The following LIPF variants were observed in gnomAD, a reference collection of about 807,000 sequenced individuals.
The protein encoded by LIPF is gastric triacylglycerol lipase.
LIPF carries 25 observed loss-of-function variants against 38.0 expected under a neutral mutation model. The ratio of observed to expected loss-of-function variants is 0.66; its 90% CI spans 0.48 to 0.92. LIPF has a LOEUF of 0.92. Among genes scored for constraint, LIPF ranks in the 40% least tolerant of loss-of-function variants. The pLI, the probability that LIPF is intolerant of heterozygous loss-of-function variation, is 0.00. For missense variants in LIPF, 410 were observed against 469.9 expected (o/e 0.87, Z 1.18); for synonymous variants, 161 against 156.2 (o/e 1.03, Z -0.23).
chr10:88,667,774 A>T, intron 3 of LIPF, 88 bp downstream of exon 3: 2 of 613,918 alleles, frequency 3.3e-6, no homozygotes, highest in Non-Finnish European at 2.9e-6. Context: ...TCTTCCTCCA[A>T]CTTTTCCTTC....
chr10:88,665,897 C>T (rs1324795814), intron 1 of LIPF, among the ~76,000 whole-genome samples: 8 of 151,950 alleles, frequency 5.3e-5, no homozygotes, highest in Admixed American at 2.0e-4. Flanking sequence ...CGCGCACACC[C>T]GGCTAATTTT....
rs1841603366 is a variant in LIPF at position 88,671,913 on chromosome 10, A to G, written c.617A>G (p.Tyr206Cys). The G allele has an allele frequency of 1.2e-6, 2 of 1,613,570 alleles. No individual in the cohort carries two copies. The highest frequency in any genetic ancestry group is 8.5e-7 in the Non-Finnish European group (1 of 1,179,652). ...CTAGCTCCTGTTGCCACTGTGAAGT[A>G]TACAAAAAGCCTTATAAACAAACTT... ...YALAPVATVK[Y>C]TKSLINKLRF... The change falls in exon 6 of 10, where the codon TAT becomes TGT. Residue 206 changes from tyrosine to cysteine, a missense_variant. Coordinates refer to ENST00000238983, the MANE Select transcript of LIPF (RefSeq NM_004190.4).
chr10:88,669,629 G>T (rs1243296402), intron 4 of LIPF: 3 of 422,802 alleles, frequency 7.1e-6, no homozygotes, highest in Non-Finnish European at 1.3e-5. Flanking sequence ...TTCAATTGTG[G>T]CTGCAATGCT....
chr10:88,674,984 GACAAAGGAA>G (rs1249795876), intron 7 of LIPF, among the ~76,000 whole-genome samples: 4 of 151,844 alleles, frequency 2.6e-5, no homozygotes, highest in East Asian at 1.9e-4. Flanking sequence ...AGTAAAATAA[GACAAAGGAA>G]ACAAAGGAAA....
Position 88,671,953 on chromosome 10 carries a change from A to G in LIPF, c.657A>G (p.Gln219=), listed in dbSNP as rs575886213. 1 of 1,610,862 alleles carries G rather than the reference A, an allele frequency of 6.2e-7. No individual in the cohort carries two copies. The highest frequency in any genetic ancestry group is 1.3e-5 in the African/African-American group (1 of 74,948). The change falls in exon 6 of 10, where the codon CAA becomes CAG. Residue 219 remains glutamine (Q), a synonymous_variant. Transcript: ENST00000238983. ...SLINKLRFVP[Q]SLFKFIFGDK... ...TAAACAAACTTAGATTTGTTCCTCA[A>G]TCCCTCTTCAAGGTATGCAATTCTC... is the stretch of plus-strand genomic sequence containing the variant.
rs1279663957 is a variant in LIPF at position 88,671,771 on chromosome 10, A to AAAC, written c.533-44_533-42dup. The AAAC allele has an allele frequency of 9.1e-5, 141 of 1,552,802 alleles. No individual in the cohort carries two copies. In the South Asian group the frequency reaches 1.0e-3, roughly 11 times the overall value. ...AATGTCACACTTATAAAAACAAACAAAACAACAACAACAACACACACACAC... is the reference window on the plus strand; with the variant it reads ...AATGTCACACTTATAAAAACAAACAAAACAACAACAACAACAACACACACACAC... On this transcript the variant is annotated intron_variant, in intron 5 of 9. Transcript: ENST00000238983.
intron 4 of LIPF, chr10:88,668,993 A>G (rs1841555609): frequency 2.2e-6 from 1 of 453,826 alleles, no homozygotes; most frequent in Non-Finnish European, 4.0e-6. Context: ...GATTTTCCAA[A>G]TGGAATGAAC....
At chr10:88,671,078 C>T (rs1348508385) in intron 5 of LIPF, among the ~76,000 whole-genome samples, 1 of 152,086 alleles carries the variant, frequency 6.6e-6, no homozygotes, top group East Asian at 1.9e-4. Context: ...TATACTGCAG[C>T]GTTAAACTTG....
At chr10:88,668,997 A>G (rs1841555688) in intron 4 of LIPF, 1 of 443,692 alleles carries the variant, frequency 2.3e-6, no homozygotes. Context: ...TTCCAAATGG[A>G]ATGAACAATA....
chr10:88,672,670 A>ACACACACTCTCTCT (rs869259093), intron 6 of LIPF, among the ~76,000 whole-genome samples: 8 of 110,560 alleles, frequency 7.2e-5, no homozygotes, highest in African/African-American at 2.7e-4. Context: ...ACACACACAC[A>ACACACACTCTCTCT]CTCTCTCTCT....
chr10:88,674,434 C>T (rs1191803631), intron 7 of LIPF, among the ~76,000 whole-genome samples: 3 of 152,158 alleles, frequency 2.0e-5, no homozygotes, highest in African/African-American at 7.2e-5. Context: ...TCCCAAAGTG[C>T]TGGGATTACA....
intron 6 of LIPF, among the ~76,000 whole-genome samples, 161 bp downstream of exon 6, chr10:88,672,126 G>C (rs937808549): frequency 6.6e-6 from 1 of 152,132 alleles, no homozygotes; most frequent in African/African-American, 2.4e-5. Flanking sequence ...CACTGACCAT[G>C]TTTGAATCTC....
At position 88,675,643 on chromosome 10, in the gene LIPF, T is replaced by C. The variant is rs934360777; in HGVS notation, c.874T>C (p.Phe292Leu). The change falls in exon 8 of 10, where the codon TTC becomes CTC. Residue 292 changes from phenylalanine to leucine, a missense_variant. Transcript: ENST00000238983. Reference protein sequence around the residue: ...NPAGTSVQNMFHWTQAVKSGK... With the variant: ...NPAGTSVQNMLHWTQAVKSGK... ...AGCAGGAACTTCTGTTCAAAACATG[T>C]TCCATTGGACCCAGGTATTCTTTTC... The C allele has an allele frequency of 6.2e-7, 1 of 1,610,720 alleles. No homozygotes were observed. The highest frequency in any genetic ancestry group is 8.5e-7 in the Non-Finnish European group (1 of 1,176,996).
At position 88,668,733 on chromosome 10, in the gene LIPF, T is replaced by A. The variant is rs919396720; in HGVS notation, c.399T>A (p.Asp133Glu). ...GAAGAAACTTGTACTATTCACCAGA[T>A]TCAGTTGAATTCTGGGCTTTCAGGT... ...WARRNLYYSP[D>E]SVEFWAFSFD... Residue 133 changes from aspartate to glutamate, a missense_variant, in exon 4 of 10, where the codon GAT becomes GAA. Physicochemically the swap from Asp to Glu is conservative, Grantham distance 45. Coordinates refer to ENST00000238983, the MANE Select transcript of LIPF (RefSeq NM_004190.4). 1 of 1,613,900 alleles carries A rather than the reference T, an allele frequency of 6.2e-7. No individual in the cohort carries two copies. The highest frequency in any genetic ancestry group is 8.5e-7 in the Non-Finnish European group (1 of 1,179,826).
At chr10:88,677,661 AG>A (rs1293934682) in intron 9 of LIPF, among the ~76,000 whole-genome samples, 1 of 152,236 alleles carries the variant, frequency 6.6e-6, no homozygotes, top group Non-Finnish European at 1.5e-5. Flanking sequence ...GTGAGAATAC[AG>A]AAACTTTTAG....
At chr10:88,670,008 GGT>G in intron 5 of LIPF, 62 bp downstream of exon 5, 1 of 1,059,986 alleles carries the variant, frequency 9.4e-7, no homozygotes, top group Non-Finnish European at 1.4e-6. Flanking sequence ...CAGTGGTTAT[GGT>G]AGGCATGTTA....
chr10:88,673,274 T>C (rs1042083732), intron 6 of LIPF, among the ~76,000 whole-genome samples: 1 of 152,214 alleles, frequency 6.6e-6, no homozygotes, highest in Non-Finnish European at 1.5e-5. Context: ...GTCTGTCATG[T>C]GTTTTTAAGA....
intron 7 of LIPF, 73 bp downstream of exon 7, chr10:88,673,807 G>T (rs1841642462): frequency 7.9e-7 from 1 of 1,260,516 alleles, no homozygotes; most frequent in South Asian, 1.3e-5. Flanking sequence ...CTTAGAAGTG[G>T]TACTTTATGA....
chr10:88,670,145 G>GATTATTACCAATAGGGTA (rs1400602321), intron 5 of LIPF, among the ~76,000 whole-genome samples, 199 bp downstream of exon 5: 1 of 152,146 alleles, frequency 6.6e-6, no homozygotes, highest in East Asian at 1.9e-4. Context: ...AGGTTACATG[G>GATTATTACCAATAGGGTA]ATTATTACCA....
Sources: allele counts gnomAD v4.1 joint callset (sites outside exome capture counted in the v4.1 genomes callset), GRCh38; gene constraint gnomAD v4.1.1; transcripts MANE v1.5; gene names NCBI Gene and HGNC (gene_info 2026-07-23, HGNC 2026-07-21).